CDCA2: variants seen among roughly 807,000 people sequenced by gnomAD.
CDCA2 encodes cell division cycle-associated protein 2.
Under a neutral mutation model 67.0 loss-of-function variants are expected in CDCA2, and 44 were observed. The ratio of observed to expected loss-of-function variants is 0.66; its 90% CI spans 0.52 to 0.84. The LOEUF (loss-of-function observed/expected upper bound fraction) is 0.84, where lower values mean the gene tolerates loss of function less well. Among genes scored for constraint, CDCA2 ranks in the 40% least tolerant of loss-of-function variants. CDCA2 has a pLI of 0.00. For synonymous variants in CDCA2, 447 were observed against 418.7 expected (o/e 1.07, Z -0.82); for missense variants, 1,253 against 1,203.2 (o/e 1.04, Z -0.61).
chr8:25,503,387 CAGAA>C lies in CDCA2; in HGVS notation c.1691_1694del (p.Lys564ArgfsTer38). ...CATTTTCTCAGGTTTTAAAAAGTTG[CAGAA>C]AGAAGAAAGGAAAGGGAAAGAAAAG... On this transcript the variant is annotated frameshift_variant, in exon 14 of 15. Coordinates refer to ENST00000330560, the MANE Select transcript of CDCA2 (RefSeq NM_152562.4). LOFTEE classifies it high-confidence loss of function. 1 of 1,613,236 alleles carries C rather than the reference CAGAA, an allele frequency of 6.2e-7. No individual in the cohort carries two copies. Among genetic ancestry groups the C allele is most frequent in the Non-Finnish European group, 8.5e-7 (1 of 1,179,300 alleles).
chr8:25,472,121 C>G (rs1803178114), intron 7 of CDCA2: 1 of 152,410 alleles, frequency 6.6e-6, no homozygotes, highest in Non-Finnish European at 1.5e-5. Context: ...AGCCGGAAAT[C>G]CAACATCCAA....
At chr8:25,475,778 G>A (rs750728212) in intron 7 of CDCA2, among the ~76,000 whole-genome samples, 5 of 152,156 alleles carry the variant, frequency 3.3e-5, no homozygotes, top group Non-Finnish European at 7.4e-5. Context: ...ATCTCTGTTA[G>A]CTGGAATGCA....
At chr8:25,494,907 C>A (rs1004509699) in intron 13 of CDCA2, among the ~76,000 whole-genome samples, 1 of 151,896 alleles carries the variant, frequency 6.6e-6, no homozygotes, top group Non-Finnish European at 1.5e-5. Flanking sequence ...TGTGAGGACA[C>A]AGCAAGAAGG....
At chr8:25,483,808 G>C (rs552169844) in intron 9 of CDCA2, among the ~76,000 whole-genome samples, 158 bp from the exon 10 acceptor site, 11 of 152,214 alleles carry the variant, frequency 7.2e-5, no homozygotes, top group East Asian at 1.9e-4. Flanking sequence ...TCTCCATTTT[G>C]AATTTGCTCT....
At chr8:25,498,028 A>G (rs1366783264) in intron 13 of CDCA2, among the ~76,000 whole-genome samples, 3 of 152,192 alleles carry the variant, frequency 2.0e-5, no homozygotes, top group Non-Finnish European at 2.9e-5. Context: ...AAAAGGAGCC[A>G]TAGAATAAAA....
Position 25,506,964 on chromosome 8 carries a change from G to A in CDCA2, c.2298G>A (p.Lys766=), listed in dbSNP as rs1457187481. The A allele has an allele frequency of 3.7e-6, 6 of 1,614,026 alleles. No individual in the cohort carries two copies. The East Asian group carries it at 8.9e-5, about 24-fold the overall frequency. The change falls in exon 15 of 15, where the codon AAG becomes AAA. Residue 766 remains lysine (K), a synonymous_variant. Coordinates refer to ENST00000330560, the MANE Select transcript of CDCA2 (RefSeq NM_152562.4). ...ATTTAAACATAAAGTGTGAAAGAAA[G>A]GATGACTTCTTAGGAGCTGCAGAAG... ...SPDLNIKCER[K]DDFLGAAEGK...
chr8:25,471,054 G>A (rs1331727048), intron 7 of CDCA2, among the ~76,000 whole-genome samples: 1 of 152,126 alleles, frequency 6.6e-6, no homozygotes, highest in Non-Finnish European at 1.5e-5. Context: ...GAGCCACTGT[G>A]CCCAGCCAAA....
At chr8:25,497,512 A>AT (rs1554526606) in intron 13 of CDCA2, among the ~76,000 whole-genome samples, 5 of 144,894 alleles carry the variant, frequency 3.5e-5, no homozygotes, top group East Asian at 4.1e-4. Context: ...AAAATAAAAA[A>AT]AAAAAAAACT....
chr8:25,491,167 A>G (rs1803986410), intron 13 of CDCA2, among the ~76,000 whole-genome samples: 1 of 152,206 alleles, frequency 6.6e-6, no homozygotes. Context: ...AAGATAGAGC[A>G]AAAGAAAGAC....
chr8:25,493,662 G>A (rs1186365720), intron 13 of CDCA2, among the ~76,000 whole-genome samples: 2 of 152,206 alleles, frequency 1.3e-5, no homozygotes, highest in African/African-American at 4.8e-5. Flanking sequence ...GGAAGAAAAT[G>A]TTCAGACTTC....
chr8:25,503,699 T>C (rs1307341877), intron 14 of CDCA2, 155 bp downstream of exon 14: 3 of 657,092 alleles, frequency 4.6e-6, no homozygotes, highest in South Asian at 4.7e-5. Flanking sequence ...GGATTTCAAA[T>C]GGAGGAAACA....
Position 25,507,798 on chromosome 8 carries a change from C to CG in CDCA2, c.*60_*61insG. The CG allele has an allele frequency of 6.7e-7, 1 of 1,490,782 alleles. No individual in the cohort carries two copies. The highest frequency in any genetic ancestry group is 8.9e-7 in the Non-Finnish European group (1 of 1,123,756). 92.3% of individuals were successfully genotyped at this position (1,490,782 alleles called of 1,614,324 possible). A position where few individuals can be genotyped will look rare whatever the true frequency, so the allele number is the denominator to read the frequency against. ...AAGTAACCATCTATGCTGAAATGATCTGTCTAGTTCCCATTCTCTGTTCAA... is the reference window on the plus strand; with the variant it reads ...AAGTAACCATCTATGCTGAAATGATCGTGTCTAGTTCCCATTCTCTGTTCAA... On this transcript the variant is annotated 3_prime_UTR_variant, in exon 15 of 15. Coordinates refer to ENST00000330560, the MANE Select transcript of CDCA2 (RefSeq NM_152562.4).
Position 25,484,104 on chromosome 8 carries a change from C to T in CDCA2, c.1259C>T (p.Pro420Leu). The T allele has an allele frequency of 2.5e-6, 4 of 1,614,036 alleles. No individual in the cohort carries two copies. Among genetic ancestry groups the T allele is most frequent in the Non-Finnish European group, 3.4e-6 (4 of 1,180,040 alleles). The stretch of plus-strand genomic sequence containing the variant: ...ACTCCATTGCGTAAAGGAGGAACAC[C>T]TGTTTGTAAAAAAGACTTCAGTGGT... ...ANTPLRKGGT[P>L]VCKKDFSGLS... Residue 420 changes from proline to leucine, a missense_variant, in exon 10 of 15, where the codon CCT (proline) becomes CTT (leucine). Coordinates refer to ENST00000330560, the MANE Select transcript of CDCA2 (RefSeq NM_152562.4).
At chr8:25,480,338 G>A (rs1358477076) in intron 8 of CDCA2, among the ~76,000 whole-genome samples, 7 of 152,008 alleles carry the variant, frequency 4.6e-5, no homozygotes, top group African/African-American at 1.5e-4. Context: ...TATATAGCAT[G>A]CAGAATTTAA....
At chr8:25,504,836 A>G (rs951021721) in intron 14 of CDCA2, among the ~76,000 whole-genome samples, 2 of 152,132 alleles carry the variant, frequency 1.3e-5, no homozygotes, top group Non-Finnish European at 2.9e-5. Context: ...TCCATCACCT[A>G]GTTTTATGAT....
rs937133741 is a variant in CDCA2, at chr8:25,507,596, G to C, written c.2930G>C (p.Ser977Thr). 5 of 1,614,100 alleles carry C rather than the reference G, an allele frequency of 3.1e-6. No homozygotes were observed. In the African/African-American group the frequency reaches 4.0e-5, roughly 13 times the overall value. ...SSDEPGKRRKSFCISTLANTK... is the reference protein window; with the variant it reads ...SSDEPGKRRKTFCISTLANTK... ...GATGAACCTGGTAAGAGGAGGAAGA[G>C]CTTTTGTATATCTACACTTGCAAAT... Residue 977 changes from serine to threonine, a missense_variant, in exon 15 of 15, where the codon AGC becomes ACC. Coordinates refer to ENST00000330560, the MANE Select transcript of CDCA2 (RefSeq NM_152562.4).
intron 12 of CDCA2, among the ~76,000 whole-genome samples, chr8:25,487,980 T>C (rs1803849172): frequency 6.6e-6 from 1 of 152,200 alleles, no homozygotes; most frequent in Non-Finnish European, 1.5e-5. Context: ...GTATAATCTT[T>C]TTTAAATTGT....
chr8:25,485,514 T>C (rs919928987), intron 10 of CDCA2, among the ~76,000 whole-genome samples: 3 of 152,200 alleles, frequency 2.0e-5, no homozygotes, highest in Non-Finnish European at 4.4e-5. Context: ...TTATAAATTT[T>C]CTTAGTAGTT....
chr8:25,483,912 G>T, intron 9 of CDCA2, 54 bp from the exon 10 acceptor site: 1 of 1,485,484 alleles, frequency 6.7e-7, no homozygotes. Flanking sequence ...ATGCCTTTTA[G>T]ATAAGAAATA....
Sources: gnomAD v4.1 joint callset for allele counts (sites outside exome capture counted in the v4.1 genomes callset) on GRCh38, gnomAD v4.1.1 for gene constraint, MANE v1.5 for transcripts, NCBI Gene and HGNC (gene_info 2026-07-23, HGNC 2026-07-21) for gene names.